Variants in RBFOX1 observed in about 807,000 individuals in gnomAD.
RBFOX1 encodes the protein RNA binding protein fox-1 homolog 1.
Under a neutral mutation model 57.7 loss-of-function variants are expected in RBFOX1, and 8 were observed. That is an observed-to-expected ratio of 0.14 (90% CI 0.08 to 0.25). The LOEUF is 0.25. Among genes scored for constraint, RBFOX1 ranks in the 10% least tolerant of loss-of-function variants. The probability of loss-of-function intolerance (pLI) is 1.00; values close to 1 mark genes in which losing one functional copy is unlikely to be tolerated. For missense variants in RBFOX1, 611 were observed against 548.5 expected, an observed-to-expected ratio of 1.11 and a Z score of -1.14; for synonymous variants, 326 against 222.4, an observed-to-expected ratio of 1.47 and a Z score of -4.15.
chr16:7,385,864 C>T lies in RBFOX1; in HGVS notation c.28-132283C>T, dbSNP rs76218509. On this transcript the variant is annotated intron_variant, in intron 4 of 15. Coordinates refer to ENST00000550418, the MANE Select transcript of RBFOX1 (RefSeq NM_018723.4). ...CGCCTCCTGGGTTCAAGCAGTTTTTCTGCTTCAGCCTCTGAGTAGGTGGGA... is the reference window on the plus strand; with the variant it reads ...CGCCTCCTGGGTTCAAGCAGTTTTTTTGCTTCAGCCTCTGAGTAGGTGGGA... Among the ~76,000 whole-genome samples, 11 of 152,262 alleles carry T rather than the reference C, an allele frequency of 7.2e-5. No individual in the cohort carries two copies. In the East Asian group the frequency reaches 2.1e-3, roughly 29 times the overall value.
At chr16:7,136,169 G>A (rs930814921) in intron 4 of RBFOX1, among the ~76,000 whole-genome samples, 2 of 152,196 alleles carry the variant, frequency 1.3e-5, no homozygotes, top group African/African-American at 4.8e-5. Flanking sequence ...AGATTCGGGA[G>A]AGTTTGGCAT....
chr16:5,546,306 G>A (rs2045203779), intron 2 of RBFOX1, among the ~76,000 whole-genome samples: 1 of 152,012 alleles, frequency 6.6e-6, no homozygotes, highest in Admixed American at 6.6e-5. Context: ...TTTGCGGGGT[G>A]GAAATTCACA....
At chr16:6,432,798 T>C (rs893605223) in intron 2 of RBFOX1, among the ~76,000 whole-genome samples, 3 of 151,986 alleles carry the variant, frequency 2.0e-5, no homozygotes, top group South Asian at 2.1e-4. Flanking sequence ...ACTGATGTGG[T>C]GAAACCCCAT....
At chr16:6,476,123 C>G (rs1335363041) in intron 2 of RBFOX1, among the ~76,000 whole-genome samples, 1 of 152,166 alleles carries the variant, frequency 6.6e-6, no homozygotes, top group Admixed American at 6.5e-5. Context: ...ACTCACATGG[C>G]CAGGGACGCC....
In RBFOX1 at chr16:6,408,723, G is replaced by A. The variant is rs1356067547; in HGVS notation, c.-64+91666G>A. On this transcript the variant is annotated intron_variant, in intron 2 of 15. Coordinates refer to ENST00000550418, the MANE Select transcript of RBFOX1 (RefSeq NM_018723.4). Reference sequence around the variant, plus strand: ...TTTTAGCAAGTTTTCAAGGCAAAGGGCATGGCATTAGGAAAATTGAATTCA... The same window carrying A: ...TTTTAGCAAGTTTTCAAGGCAAAGGACATGGCATTAGGAAAATTGAATTCA... Among the ~76,000 whole-genome samples, 2 of 152,126 alleles carry A rather than the reference G, an allele frequency of 1.3e-5. 1 individual carries two copies. The highest frequency in any genetic ancestry group is 4.1e-4 in the South Asian group (2 of 4,824).
chr16:5,260,122 G>T (rs1428512817), intron 1 of RBFOX1, among the ~76,000 whole-genome samples: 1 of 152,214 alleles, frequency 6.6e-6, no homozygotes, highest in Non-Finnish European at 1.5e-5. Flanking sequence ...AATCGCTTAA[G>T]CCTGGGAGGT....
chr16:7,058,040 A>G (rs2053013207), intron 4 of RBFOX1, among the ~76,000 whole-genome samples: 1 of 151,110 alleles, frequency 6.6e-6, no homozygotes, highest in South Asian at 2.1e-4. Context: ...ACCACCAGAT[A>G]TAGATCTCTG....
At chr16:7,693,233 C>T (rs527346765) in intron 14 of RBFOX1, 13 of 1,170,066 alleles carry the variant, frequency 1.1e-5, no homozygotes, top group Middle Eastern at 1.9e-4. Flanking sequence ...TCCCTCCCCT[C>T]ATCTGTACAC....
chr16:7,108,162 C>T (rs117571090), intron 4 of RBFOX1, among the ~76,000 whole-genome samples: 2 of 151,998 alleles, frequency 1.3e-5, no homozygotes, highest in Admixed American at 6.6e-5. Context: ...AAATTGTGCT[C>T]GACACAATTT....
In RBFOX1 at chr16:6,577,740, C is replaced by G. The variant is rs531242714; in HGVS notation, c.-63-76863C>G. ...AGTGCTTTGACAAGGAAGTGACACA[C>G]CCTACTATCACCAAATCCCATTGGC... is the stretch of plus-strand genomic sequence containing the variant. On this transcript the variant is annotated intron_variant, in intron 2 of 15. Coordinates refer to ENST00000550418, the MANE Select transcript of RBFOX1 (RefSeq NM_018723.4). Among the ~76,000 whole-genome samples, 21 of 152,314 alleles carry G rather than the reference C, an allele frequency of 1.4e-4. No individual in the cohort carries two copies. In the South Asian group the frequency reaches 3.9e-3, roughly 29 times the overall value.
chr16:7,186,087 T>C (rs1388070823), intron 4 of RBFOX1, among the ~76,000 whole-genome samples: 3 of 152,038 alleles, frequency 2.0e-5, no homozygotes, highest in African/African-American at 7.2e-5. Context: ...TATTCTTTAT[T>C]TGTCACTGGT....
chr16:7,399,017 T>A (rs879624951), intron 4 of RBFOX1, among the ~76,000 whole-genome samples: 2 of 152,244 alleles, frequency 1.3e-5, no homozygotes, highest in African/African-American at 2.4e-5. Context: ...TAGGAACTAC[T>A]TGGGGCAAGT....
chr16:7,696,808 C>G (rs1039879993), intron 14 of RBFOX1, among the ~76,000 whole-genome samples: 3 of 152,050 alleles, frequency 2.0e-5, no homozygotes, highest in African/African-American at 7.2e-5. Flanking sequence ...TCAGAGAAGG[C>G]CTGTCTGAGG....
At chr16:5,446,800 C>G (rs1051951983) in intron 1 of RBFOX1, among the ~76,000 whole-genome samples, 1 of 152,140 alleles carries the variant, frequency 6.6e-6, no homozygotes, top group Non-Finnish European at 1.5e-5. Flanking sequence ...GTTCTCACAG[C>G]TGGGCTCCAC....
intron 3 of RBFOX1, among the ~76,000 whole-genome samples, chr16:6,746,483 T>A (rs1055091327): frequency 2.0e-5 from 3 of 151,956 alleles, no homozygotes; most frequent in African/African-American, 7.2e-5. Flanking sequence ...TCAAGACCAG[T>A]CTATGCAACA....
rs1371661973 is a variant in RBFOX1 at position 5,239,878 on chromosome 16, C to G, written c.-9C>G. Reference sequence around the variant, plus strand: ...CTCTTCCCCAAGTGCAGGCAGAGCCCCCGGAGCCATGGCCAGCCCTTCCGG... The same window carrying G: ...CTCTTCCCCAAGTGCAGGCAGAGCCGCCGGAGCCATGGCCAGCCCTTCCGG... On this transcript the variant is annotated 5_prime_UTR_variant, in exon 1 of 3. Coordinates refer to the RBFOX1 transcript ENST00000585867. The G allele has an allele frequency of 3.5e-6, 5 of 1,420,914 alleles. No individual in the cohort carries two copies. In the African/African-American group the frequency reaches 7.2e-5, roughly 21 times the overall value. 88.0% of individuals were successfully genotyped at this position (1,420,914 alleles called of 1,614,324 possible).
chr16:5,908,406 G>T (rs1324004344), intron 4 of RBFOX1, among the ~76,000 whole-genome samples: 1 of 151,414 alleles, frequency 6.6e-6, no homozygotes, highest in Non-Finnish European at 1.5e-5. Flanking sequence ...AGGCTGGAGT[G>T]CAGTAGTGCG....
chr16:6,974,228 T>C (rs1011948788), intron 3 of RBFOX1, among the ~76,000 whole-genome samples: 3 of 152,124 alleles, frequency 2.0e-5, no homozygotes, highest in African/African-American at 4.8e-5. Context: ...TGGGGGATAG[T>C]TGTAACCCCT....
At chr16:7,435,363 T>C (rs994784498) in intron 4 of RBFOX1, among the ~76,000 whole-genome samples, 1 of 152,158 alleles carries the variant, frequency 6.6e-6, no homozygotes, top group Non-Finnish European at 1.5e-5. Context: ...GTGCCATTTG[T>C]ATCACACCAT....
Sources: gnomAD v4.1 joint callset for allele counts (sites outside exome capture counted in the v4.1 genomes callset) on GRCh38, gnomAD v4.1.1 for gene constraint, MANE v1.5 for transcripts, NCBI Gene and HGNC (gene_info 2026-07-23, HGNC 2026-07-21) for gene names.